The following TP63 variants were observed in gnomAD, a reference collection of about 807,000 sequenced individuals.
TP63 encodes the protein tumor protein p63, also known as tumor protein 63.
Under a neutral mutation model 82.8 loss-of-function variants are expected in TP63, and 17 were observed. The ratio of observed to expected loss-of-function variants is 0.21; its 90% CI spans 0.14 to 0.31. The LOEUF (loss-of-function observed/expected upper bound fraction) is 0.31. TP63 is among the 10% of genes least tolerant of loss of function. The pLI, the probability that TP63 is intolerant of heterozygous loss-of-function variation, is 1.00. For synonymous variants in TP63, 330 were observed against 321.7 expected (o/e 1.03, Z -0.28); for missense variants, 648 against 895.3 (o/e 0.72, Z 3.52).
At chr3:189,689,269 C>T (rs968253114) in intron 1 of TP63, among the ~76,000 whole-genome samples, 2 of 151,786 alleles carry the variant, frequency 1.3e-5, no homozygotes, top group Non-Finnish European at 2.9e-5. Context: ...GCACGTGCCA[C>T]ACTGCCCAGC....
At chr3:189,702,063 A>G (rs548621958) in intron 1 of TP63, among the ~76,000 whole-genome samples, 22 of 152,294 alleles carry the variant, frequency 1.4e-4, no homozygotes, top group Middle Eastern at 6.8e-3. Flanking sequence ...AGTTGGCCAG[A>G]GAATTCTTAA....
chr3:189,761,024 G>A (rs1330103963), intron 3 of TP63, among the ~76,000 whole-genome samples: 1 of 152,152 alleles, frequency 6.6e-6, no homozygotes, highest in Non-Finnish European at 1.5e-5. Flanking sequence ...CAAGTCCCTA[G>A]GCTGCACACA....
chr3:189,719,165 C>T (rs1050967914), intron 1 of TP63, among the ~76,000 whole-genome samples: 2 of 152,114 alleles, frequency 1.3e-5, no homozygotes, highest in African/African-American at 2.4e-5. Flanking sequence ...CACAGAAAAA[C>T]GGTGTTCTCG....
intron 1 of TP63, among the ~76,000 whole-genome samples, chr3:189,672,074 A>G (rs943922238): frequency 5.3e-5 from 8 of 152,122 alleles, no homozygotes; most frequent in African/African-American, 1.9e-4. Context: ...GAAATGATAA[A>G]TGTTTCAAGT....
the TP63 span, among the ~76,000 whole-genome samples, chr3:189,621,999 A>G: frequency 2.0e-5 from 3 of 152,330 alleles, no homozygotes; most frequent in Admixed American, 6.5e-5. Flanking sequence ...TGTAAACAAG[A>G]CCTACTCAGG....
chr3:189,786,183 G>C (rs55807849), intron 3 of TP63, among the ~76,000 whole-genome samples: 4 of 151,766 alleles, frequency 2.6e-5, no homozygotes, highest in Non-Finnish European at 5.9e-5. Context: ...CGATTGATGA[G>C]AGTGGATTTT....
rs1719037514 is a variant in TP63, at chr3:189,875,615, T to TATATATATATACAC, written c.1349+2631_1349+2632insCACATATATATATA. Among the ~76,000 whole-genome samples, 5 of 110,386 alleles carry TATATATATATACAC rather than the reference T, an allele frequency of 4.5e-5. 1 individual carries two copies. Among genetic ancestry groups the TATATATATATACAC allele is most frequent in the African/African-American group, 1.9e-4 (5 of 25,656 alleles). The allele number at this position is 110,386 out of a possible 152,430, so 72.4% of individuals were successfully genotyped here. A position where few individuals can be genotyped will look rare whatever the true frequency, so the allele number is the denominator to read the frequency against. ...ATACATATATATATATATATATATA[T>TATATATATATACAC]ATATATATATATATATATATATAAA... On this transcript the variant is annotated intron_variant, in intron 10 of 13. Coordinates refer to ENST00000264731, the MANE Select transcript of TP63 (RefSeq NM_003722.5).
chr3:189,773,915 C>CTTTTTT (rs57761830), intron 3 of TP63, among the ~76,000 whole-genome samples: 15 of 72,924 alleles, frequency 2.1e-4, no homozygotes, highest in African/African-American at 2.2e-4. Flanking sequence ...TGTCTCGTGC[C>CTTTTTT]TTTTTTTTTT....
intron 3 of TP63, among the ~76,000 whole-genome samples, chr3:189,799,545 G>GT (rs1726068616): frequency 1.3e-5 from 2 of 152,204 alleles, no homozygotes; most frequent in East Asian, 3.9e-4. Flanking sequence ...GTGTGTATGT[G>GT]TTTGTTTTAA....
intron 1 of TP63, among the ~76,000 whole-genome samples, chr3:189,651,892 AG>A (rs1403764047): frequency 6.8e-6 from 1 of 147,220 alleles, no homozygotes; most frequent in Non-Finnish European, 1.5e-5. Context: ...GCAAGCTCCA[AG>A]CTTTGGCAGC....
At chr3:189,620,638 C>A in the TP63 span, among the ~76,000 whole-genome samples, 1 of 152,018 alleles carries the variant, frequency 6.6e-6, no homozygotes, top group African/African-American at 2.4e-5. Context: ...ATGAGGCATT[C>A]TTGAGTCAAA....
intron 3 of TP63, among the ~76,000 whole-genome samples, chr3:189,800,726 A>G (rs1250258936): frequency 6.6e-6 from 1 of 152,078 alleles, no homozygotes; most frequent in Non-Finnish European, 1.5e-5. Flanking sequence ...TGGATAAAAC[A>G]TGGATATTAA....
chr3:189,764,149 C>T (rs1576902052), intron 3 of TP63, among the ~76,000 whole-genome samples: 1 of 152,244 alleles, frequency 6.6e-6, no homozygotes, highest in East Asian at 1.9e-4. Context: ...GTCCCTCTGG[C>T]ACACTGTTCT....
the TP63 span, among the ~76,000 whole-genome samples, chr3:189,602,453 A>AAGGAGGG: frequency 3.3e-5 from 5 of 152,100 alleles, no homozygotes; most frequent in African/African-American, 1.2e-4. Context: ...GAGGCTAAGA[A>AAGGAGGG]AGGAGGGAGG....
intron 1 of TP63, among the ~76,000 whole-genome samples, chr3:189,679,915 CAATT>C (rs1185753833): frequency 1.3e-5 from 2 of 152,022 alleles, no homozygotes; most frequent in African/African-American, 2.4e-5. Flanking sequence ...GTGGAAAAAA[CAATT>C]AACCACAAAT....
intron 1 of TP63, among the ~76,000 whole-genome samples, chr3:189,632,011 T>C (rs1729490967): frequency 6.6e-6 from 1 of 152,096 alleles, no homozygotes; most frequent in African/African-American, 2.4e-5. Flanking sequence ...AGATTGTGGC[T>C]TGTCATTGCA....
chr3:189,688,708 A>G (rs1030409605), intron 1 of TP63, among the ~76,000 whole-genome samples: 5 of 152,206 alleles, frequency 3.3e-5, no homozygotes, highest in African/African-American at 1.2e-4. Flanking sequence ...TGGCTTCACC[A>G]GTCACACTCT....
At chr3:189,712,623 C>CAA (rs1245221704) in intron 1 of TP63, among the ~76,000 whole-genome samples, 1 of 152,078 alleles carries the variant, frequency 6.6e-6, no homozygotes, top group Non-Finnish European at 1.5e-5. Context: ...ATCACCTCCT[C>CAA]AAAACCCCAC....
intron 1 of TP63, among the ~76,000 whole-genome samples, chr3:189,735,276 C>T (rs1348409780): frequency 6.6e-6 from 1 of 152,204 alleles, no homozygotes; most frequent in East Asian, 1.9e-4. Context: ...TTTATCCACG[C>T]TCACAGATTC....
Sources: gnomAD v4.1 joint callset for allele counts (sites outside exome capture counted in the v4.1 genomes callset) on GRCh38, gnomAD v4.1.1 for gene constraint, MANE v1.5 for transcripts, NCBI Gene and HGNC (gene_info 2026-07-23, HGNC 2026-07-21) for gene names.